The following PPP3CA variants were observed in gnomAD, a reference collection of about 807,000 sequenced individuals.
PPP3CA encodes the protein CAM-PRP catalytic subunit.
Under a neutral mutation model 66.5 loss-of-function variants are expected in PPP3CA, and 14 were observed. The observed-to-expected ratio is 0.21, with a 90% CI of 0.14 to 0.33. The LOEUF (loss-of-function observed/expected upper bound fraction) is 0.33. Ranked by LOEUF, PPP3CA falls within the 10% of genes least tolerant of loss-of-function variation. PPP3CA has a pLI of 1.00. For missense variants in PPP3CA, 317 were observed against 639.5 expected (o/e 0.50, Z 5.44); for synonymous variants, 232 against 226.2 (o/e 1.03, Z -0.23).
intron 2 of PPP3CA, among the ~76,000 whole-genome samples, chr4:101,140,315 T>G (rs550429952): frequency 2.6e-5 from 4 of 152,272 alleles, no homozygotes; most frequent in Admixed American, 2.0e-4. Context: ...AGTGCAGAAT[T>G]CAGCACTAAT....
intron 2 of PPP3CA, among the ~76,000 whole-genome samples, chr4:101,168,217 C>T (rs961205127): frequency 6.6e-6 from 1 of 151,944 alleles, no homozygotes; most frequent in Non-Finnish European, 1.5e-5. Flanking sequence ...AGACTGTGTA[C>T]AGGATGGAGA....
intron 2 of PPP3CA, among the ~76,000 whole-genome samples, chr4:101,191,090 C>G (rs1724587142): frequency 6.6e-6 from 1 of 152,156 alleles, no homozygotes; most frequent in Non-Finnish European, 1.5e-5. Context: ...GGTTCTTAAA[C>G]CAATGAATCC....
chr4:101,121,184 T>C (rs1722015844), intron 2 of PPP3CA, among the ~76,000 whole-genome samples: 1 of 152,108 alleles, frequency 6.6e-6, no homozygotes, highest in Non-Finnish European at 1.5e-5. Flanking sequence ...TCAGTCAGGA[T>C]TATCAATCAA....
At chr4:101,040,657 G>T in intron 10 of PPP3CA, 91 bp from the exon 11 acceptor site, 1 of 943,436 alleles carries the variant, frequency 1.1e-6, no homozygotes, top group Non-Finnish European at 1.5e-6. Flanking sequence ...ACTCCAGTAA[G>T]CAAAATCAGT....
chr4:101,249,154 G>A (rs1296525326), intron 1 of PPP3CA, among the ~76,000 whole-genome samples: 3 of 133,962 alleles, frequency 2.2e-5, no homozygotes, highest in Non-Finnish European at 3.1e-5. Flanking sequence ...GCGACAGAGC[G>A]AGACTCTGTC....
chr4:101,297,131 TTCC>T (rs1728223056), intron 1 of PPP3CA, among the ~76,000 whole-genome samples: 1 of 152,230 alleles, frequency 6.6e-6, no homozygotes, highest in Non-Finnish European at 1.5e-5. Context: ...TATTGCTTTC[TTCC>T]TCATTTATAA....
intron 8 of PPP3CA, among the ~76,000 whole-genome samples, chr4:101,069,514 C>G (rs1308543667): frequency 6.6e-6 from 1 of 152,056 alleles, no homozygotes; most frequent in African/African-American, 2.4e-5. Flanking sequence ...ATTATCTTAC[C>G]TACATGAAGG....
chr4:101,293,424 T>C (rs1241447260), intron 1 of PPP3CA, among the ~76,000 whole-genome samples: 2 of 152,216 alleles, frequency 1.3e-5, no homozygotes, highest in African/African-American at 4.8e-5. Flanking sequence ...AGCCCAGCCA[T>C]GGCTGTGTCC....
At chr4:101,288,164 T>TAGG (rs1727902701) in intron 1 of PPP3CA, among the ~76,000 whole-genome samples, 1 of 152,174 alleles carries the variant, frequency 6.6e-6, no homozygotes, top group Non-Finnish European at 1.5e-5. Flanking sequence ...CTTAAGGCTA[T>TAGG]ATCTGAAGGC....
chr4:101,062,402 A>G (rs961740559), intron 9 of PPP3CA, among the ~76,000 whole-genome samples: 5 of 152,034 alleles, frequency 3.3e-5, no homozygotes, highest in African/African-American at 1.2e-4. Flanking sequence ...TCAGAAAAAT[A>G]TTTAGCTTTT....
At chr4:101,100,491 C>T (rs951601619) in intron 3 of PPP3CA, among the ~76,000 whole-genome samples, 1 of 152,064 alleles carries the variant, frequency 6.6e-6, no homozygotes, top group African/African-American at 2.4e-5. Context: ...TTGGGCATTG[C>T]AGTCTGTAAA....
At chr4:101,135,861 A>T (rs1431900698) in intron 2 of PPP3CA, among the ~76,000 whole-genome samples, 1 of 152,136 alleles carries the variant, frequency 6.6e-6, no homozygotes, top group African/African-American at 2.4e-5. Context: ...CTCTCCACTC[A>T]TGGCAACTTA....
chr4:101,325,886 C>T (rs1729190944), intron 1 of PPP3CA, among the ~76,000 whole-genome samples: 1 of 152,152 alleles, frequency 6.6e-6, no homozygotes, highest in African/African-American at 2.4e-5. Context: ...AAGAGTAATC[C>T]TAGCACTTTG....
chr4:101,186,700 G>T (rs1479273350), intron 2 of PPP3CA, among the ~76,000 whole-genome samples: 2 of 152,096 alleles, frequency 1.3e-5, no homozygotes, highest in East Asian at 1.9e-4. Flanking sequence ...GTAGGGGACA[G>T]CTGTGGTTAG....
intron 2 of PPP3CA, among the ~76,000 whole-genome samples, chr4:101,174,810 C>T (rs1342103896): frequency 6.6e-6 from 1 of 152,150 alleles, no homozygotes; most frequent in Admixed American, 6.5e-5. Context: ...ATACCACTTA[C>T]TATATGCCAG....
intron 1 of PPP3CA, among the ~76,000 whole-genome samples, chr4:101,274,110 GC>G (rs1208909026): frequency 6.6e-6 from 1 of 151,016 alleles, no homozygotes. Context: ...TTCAAGACCA[GC>G]CTGGCCAACA....
chr4:101,250,140 G>A (rs1007199726), intron 1 of PPP3CA, among the ~76,000 whole-genome samples: 4 of 152,142 alleles, frequency 2.6e-5, no homozygotes, highest in African/African-American at 9.7e-5. Context: ...GAGAGCCAAT[G>A]AGATTTCTGA....
At chr4:101,199,246 C>T (rs1724895929) in intron 1 of PPP3CA, among the ~76,000 whole-genome samples, 1 of 152,158 alleles carries the variant, frequency 6.6e-6, no homozygotes, top group Non-Finnish European at 1.5e-5. Context: ...CCAAAGAATC[C>T]AATCAGCTTG....
At chr4:101,183,540 C>A (rs1724309320) in intron 2 of PPP3CA, among the ~76,000 whole-genome samples, 1 of 152,126 alleles carries the variant, frequency 6.6e-6, no homozygotes, top group Non-Finnish European at 1.5e-5. Context: ...TAGTGTGTTA[C>A]AATGTCCTCT....
Sources: gnomAD v4.1 joint callset for allele counts (sites outside exome capture counted in the v4.1 genomes callset) on GRCh38, gnomAD v4.1.1 for gene constraint, MANE v1.5 for transcripts, NCBI Gene and HGNC (gene_info 2026-07-23, HGNC 2026-07-21) for gene names.